CFAP20DC: variants seen among roughly 807,000 people sequenced by gnomAD.
CFAP20DC encodes CFAP20 domain containing.
A neutral mutation model predicts 101.7 loss-of-function variants in CFAP20DC; 84 were observed. That is an observed-to-expected ratio of 0.83 (90% CI 0.69 to 0.99). The LOEUF (loss-of-function observed/expected upper bound fraction) is 0.99, where lower values mean the gene tolerates loss of function less well. Among genes scored for constraint, CFAP20DC ranks in the 50% least tolerant of loss-of-function variants. The pLI, the probability that CFAP20DC is intolerant of heterozygous loss-of-function variation, is 0.00. For missense variants in CFAP20DC, 1,007 were observed against 970.3 expected (o/e 1.04, Z -0.50); for synonymous variants, 359 against 351.2 (o/e 1.02, Z -0.25).
At chr3:58,921,111 A>G (rs2085315444) in intron 5 of CFAP20DC, among the ~76,000 whole-genome samples, 1 of 151,800 alleles carries the variant, frequency 6.6e-6, no homozygotes, top group African/African-American at 2.4e-5. Flanking sequence ...CCCCACTTTC[A>G]TTCTTGGTAT....
chr3:59,023,007 AGGTGTGG>A (rs1316300417), intron 4 of CFAP20DC, among the ~76,000 whole-genome samples: 1 of 152,116 alleles, frequency 6.6e-6, no homozygotes, highest in Non-Finnish European at 1.5e-5. Context: ...CTGCCAGTAG[AGGTGTGG>A]TGGAGAGAAA....
At position 58,863,899 on chromosome 3, in the gene CFAP20DC, G is replaced by A. The variant is rs182844803; in HGVS notation, c.1259-7C>T. ...TCAGGAAAAATCCACTCATCTGACA[G>A]TTGGAAAAGATGACAAAAATTAGAG... On this transcript the variant is annotated splice_region_variant and splice_polypyrimidine_tract_variant and intron_variant, in intron 11 of 16. Coordinates refer to ENST00000482387, the MANE Select transcript of CFAP20DC (RefSeq NM_001394063.1). This position sits in a 1 kb window ranked among gnomAD's most constrained non-coding sequence, Gnocchi z 5.9. 2.5e-6 allele frequency: 4 copies of A among 1,593,142 alleles called. No homozygotes were observed. In the East Asian group the frequency reaches 6.7e-5, roughly 27 times the overall value.
intron 16 of CFAP20DC, among the ~76,000 whole-genome samples, chr3:58,751,728 G>T (rs2068586329): frequency 6.6e-6 from 1 of 151,908 alleles, no homozygotes; most frequent in South Asian, 2.1e-4. Context: ...AAATATAATG[G>T]CTGGGCTCTG....
intron 4 of CFAP20DC, among the ~76,000 whole-genome samples, chr3:58,950,784 G>C (rs1576454122): frequency 6.6e-6 from 1 of 152,180 alleles, no homozygotes; most frequent in Non-Finnish European, 1.5e-5. Context: ...GGACTTAAAT[G>C]TTAGACCTAA....
At chr3:59,036,623 C>T (rs2094108728) in intron 4 of CFAP20DC, among the ~76,000 whole-genome samples, 1 of 152,090 alleles carries the variant, frequency 6.6e-6, no homozygotes, top group Non-Finnish European at 1.5e-5. Flanking sequence ...AACTATAAAC[C>T]ACTGCTCAAG....
intron 15 of CFAP20DC, among the ~76,000 whole-genome samples, chr3:58,802,612 T>C (rs1333359967): frequency 6.6e-6 from 1 of 152,222 alleles, no homozygotes; most frequent in African/African-American, 2.4e-5. Flanking sequence ...CAAGGGAATA[T>C]GATTAAGTGA....
intron 4 of CFAP20DC, among the ~76,000 whole-genome samples, chr3:59,009,334 GAATTGCCAGAT>G: frequency 6.6e-6 from 1 of 152,068 alleles, no homozygotes; most frequent in East Asian, 1.9e-4. Flanking sequence ...AGAAATCTCT[GAATTGCCAGAT>G]AAAAAATTCA....
At chr3:58,820,692 C>G (rs1460785247) in intron 14 of CFAP20DC, among the ~76,000 whole-genome samples, 1 of 150,212 alleles carries the variant, frequency 6.7e-6, no homozygotes, top group Non-Finnish European at 1.5e-5. Flanking sequence ...TAGGAAGAAT[C>G]AATATCGTGA....
At chr3:58,883,928 C>T (rs9877249) in intron 7 of CFAP20DC, among the ~76,000 whole-genome samples, 2 of 152,156 alleles carry the variant, frequency 1.3e-5, no homozygotes, top group African/African-American at 4.8e-5. Context: ...GTCAACAGCT[C>T]TGGTGTCTAT....
At chr3:58,933,334 C>A (rs1051718111) in intron 5 of CFAP20DC, among the ~76,000 whole-genome samples, 2 of 150,676 alleles carry the variant, frequency 1.3e-5, no homozygotes, top group African/African-American at 4.9e-5. Flanking sequence ...GAGACTTTAA[C>A]ACCCCACTGT....
At chr3:58,801,050 T>TGAGAGAGAGAGAGAGAGAGAGA (rs143776206) in intron 15 of CFAP20DC, among the ~76,000 whole-genome samples, 42 of 131,744 alleles carry the variant, frequency 3.2e-4, no homozygotes, top group African/African-American at 1.1e-3. Context: ...GGGGAGTAAG[T>TGAGAGAGAGAGAGAGAGAGAGA]GAGAGAGAGA....
At chr3:58,992,035 T>G (rs1249051434) in intron 4 of CFAP20DC, among the ~76,000 whole-genome samples, 2 of 152,194 alleles carry the variant, frequency 1.3e-5, no homozygotes, top group African/African-American at 4.8e-5. Context: ...GTATTTTGTT[T>G]CTATAATGCT....
intron 13 of CFAP20DC, among the ~76,000 whole-genome samples, chr3:58,844,235 C>T (rs1392922076): frequency 1.4e-5 from 2 of 145,710 alleles, no homozygotes; most frequent in Non-Finnish European, 3.0e-5. Flanking sequence ...GATAAAGAGT[C>T]AAGACCCATC....
At chr3:58,998,273 G>C (rs2093200722) in intron 4 of CFAP20DC, among the ~76,000 whole-genome samples, 1 of 152,198 alleles carries the variant, frequency 6.6e-6, no homozygotes, top group Non-Finnish European at 1.5e-5. Context: ...AGATTCTGAA[G>C]TCTCATAGGT....
At position 58,913,448 on chromosome 3, in the gene CFAP20DC, C is replaced by G; in HGVS notation, c.550+260G>C. On this transcript the variant is annotated intron_variant, in intron 6 of 16. Transcript: ENST00000482387. This position sits in a 1 kb window ranked among gnomAD's most constrained non-coding sequence, Gnocchi z 4.4. ...GATTATGTTGTTTGTAACTAAGGAGCCTAAGACAGATAGCAAGTGTTACCA... is the reference window on the plus strand; with the variant it reads ...GATTATGTTGTTTGTAACTAAGGAGGCTAAGACAGATAGCAAGTGTTACCA... The G allele has an allele frequency of 1.7e-6, 1 of 597,552 alleles. No individual in the cohort carries two copies. Among genetic ancestry groups the G allele is most frequent in the South Asian group, 2.1e-5 (1 of 47,618 alleles). 37.0% of individuals were successfully genotyped at this position (597,552 alleles called of 1,614,324 possible).
chr3:58,782,511 A>G (rs2071928029), intron 15 of CFAP20DC, among the ~76,000 whole-genome samples: 1 of 152,110 alleles, frequency 6.6e-6, no homozygotes. Flanking sequence ...TGCTAATGAT[A>G]TAATCTTAAC....
At chr3:59,029,040 T>TC (rs1490563711) in intron 4 of CFAP20DC, among the ~76,000 whole-genome samples, 3 of 152,220 alleles carry the variant, frequency 2.0e-5, no homozygotes, top group Non-Finnish European at 4.4e-5. Context: ...ATCTTGCTCT[T>TC]ATGTTATCAT....
rs994436165 is a variant in CFAP20DC, at chr3:58,721,090, C to A, written c.198-3462G>T. Among the ~76,000 whole-genome samples the A allele has an allele frequency of 2.0e-5, 3 of 152,192 alleles. No homozygotes were observed. The highest frequency in any genetic ancestry group is 4.4e-5 in the Non-Finnish European group (3 of 68,036). On this transcript the variant is annotated intron_variant, in intron 3 of 3. Coordinates refer to the CFAP20DC transcript ENST00000486145. This position sits in a 1 kb window ranked among gnomAD's most constrained non-coding sequence, Gnocchi z 5.2. ...CCCAGAGCTTTTCTTTCAACACATA[C>A]CTCCAGAGGGTTTATCTGTTTATCC... is the stretch of plus-strand genomic sequence containing the variant.
chr3:58,797,116 C>T (rs567436346), intron 15 of CFAP20DC, among the ~76,000 whole-genome samples: 16 of 152,204 alleles, frequency 1.1e-4, no homozygotes, highest in Non-Finnish European at 1.5e-4. Context: ...TGAGTGTTCA[C>T]GTGAAAGGAA....
Sources: allele counts gnomAD v4.1 joint callset (sites outside exome capture counted in the v4.1 genomes callset), GRCh38; gene constraint gnomAD v4.1.1; non-coding constraint Gnocchi (gnomAD v3.1); transcripts MANE v1.5; gene names NCBI Gene and HGNC (gene_info 2026-07-23, HGNC 2026-07-21).